The following SPATA17 variants were observed in gnomAD, a reference collection of about 807,000 sequenced individuals.
SPATA17 encodes spermatogenesis-associated protein 17.
A neutral mutation model predicts 62.2 loss-of-function variants in SPATA17; 53 were observed. That is an observed-to-expected ratio of 0.85 (90% CI 0.68 to 1.07). SPATA17 has a LOEUF of 1.07. Ranked by LOEUF, SPATA17 falls within the 50% of genes least tolerant of loss-of-function variation. The pLI is 0.00. For missense variants in SPATA17, 466 were observed against 425.5 expected (o/e 1.10, Z -0.84); for synonymous variants, 146 against 146.8 (o/e 0.99, Z 0.04).
In SPATA17 at chr1:217,830,111, T is replaced by C. The variant is rs140898490; in HGVS notation, c.1005+28261T>C. On this transcript the variant is annotated intron_variant, in intron 9 of 10. Coordinates refer to ENST00000366933, the MANE Select transcript of SPATA17 (RefSeq NM_138796.4). ...CTATAAAACATCCAACTTTTATTACTTCTAAGGCAAATATGTGAAAGCTTA... is the reference window on the plus strand; with the variant it reads ...CTATAAAACATCCAACTTTTATTACCTCTAAGGCAAATATGTGAAAGCTTA... 4.4e-3 allele frequency among the ~76,000 whole-genome samples: 673 copies of C among 152,262 alleles called. 6 individuals are homozygous for C. The highest frequency in any genetic ancestry group is 8.2e-3 in the Non-Finnish European group (561 of 68,002).
At chr1:217,820,234 A>T (rs1459896228) in intron 9 of SPATA17, among the ~76,000 whole-genome samples, 2 of 152,052 alleles carry the variant, frequency 1.3e-5, no homozygotes, top group Admixed American at 1.3e-4. Flanking sequence ...TCTTTAGGCT[A>T]GGAGAGTTAA....
In SPATA17 at chr1:217,790,448, A is replaced by AT. The variant is rs112655957; in HGVS notation, c.872+8136dup. ...AAAAGTAAGTAAATTACTCACTTTTATTTTTTTTTTGAGACAGAGTCTTGC... is the reference window on the plus strand; with the variant it reads ...AAAAGTAAGTAAATTACTCACTTTTATTTTTTTTTTTGAGACAGAGTCTTGC... On this transcript the variant is annotated intron_variant, in intron 8 of 10. Coordinates refer to ENST00000366933, the MANE Select transcript of SPATA17 (RefSeq NM_138796.4). Among the ~76,000 whole-genome samples the AT allele has an allele frequency of 2.9e-3, 436 of 149,564 alleles. 2 individuals are homozygous for AT. The highest frequency in any genetic ancestry group is 0.016 in the East Asian group (84 of 5,098).
At chr1:217,751,614 A>G (rs1220813415) in intron 6 of SPATA17, among the ~76,000 whole-genome samples, 1 of 152,216 alleles carries the variant, frequency 6.6e-6, no homozygotes, top group Non-Finnish European at 1.5e-5. Flanking sequence ...CCTGTAATAT[A>G]TGAAAGGGAT....
At chr1:217,837,966 A>G (rs1247501702) in intron 9 of SPATA17, among the ~76,000 whole-genome samples, 1 of 152,120 alleles carries the variant, frequency 6.6e-6, no homozygotes, top group Non-Finnish European at 1.5e-5. Context: ...AGCACTTGAA[A>G]CATTGAGTTC....
intron 9 of SPATA17, among the ~76,000 whole-genome samples, chr1:217,819,721 G>T (rs1674814010): frequency 1.3e-5 from 2 of 152,036 alleles, no homozygotes; most frequent in South Asian, 2.1e-4. Context: ...AGTAACTTGA[G>T]ATTTCTATTC....
intron 8 of SPATA17, among the ~76,000 whole-genome samples, chr1:217,782,979 T>C (rs1448456512): frequency 6.6e-6 from 1 of 151,712 alleles, no homozygotes; most frequent in Non-Finnish European, 1.5e-5. Flanking sequence ...ATTGTCATTA[T>C]TCTGTAATGT....
chr1:217,669,725 A>T (rs1296969597), intron 4 of SPATA17, among the ~76,000 whole-genome samples: 1 of 152,198 alleles, frequency 6.6e-6, no homozygotes, highest in East Asian at 1.9e-4. Context: ...TATTGTCCTT[A>T]AAATCTATGT....
chr1:217,720,870 A>T (rs1458879180), intron 5 of SPATA17, among the ~76,000 whole-genome samples: 1 of 152,132 alleles, frequency 6.6e-6, no homozygotes, highest in Non-Finnish European at 1.5e-5. Flanking sequence ...AGCGGAGAGG[A>T]TGTGGCTGCA....
chr1:217,665,294 A>G (rs940900595), intron 3 of SPATA17: 2 of 152,230 alleles, frequency 1.3e-5, no homozygotes, highest in Non-Finnish European at 2.9e-5. Flanking sequence ...TGAAATACTC[A>G]AGTGTGTTAG....
intron 8 of SPATA17, among the ~76,000 whole-genome samples, chr1:217,783,165 T>C (rs1673772923): frequency 1.3e-5 from 2 of 150,634 alleles, no homozygotes; most frequent in South Asian, 4.1e-4. Flanking sequence ...TGCTAATTGT[T>C]ACATAATAAT....
intron 5 of SPATA17, among the ~76,000 whole-genome samples, chr1:217,706,764 A>T (rs1191056370): frequency 6.7e-6 from 1 of 149,552 alleles, no homozygotes; most frequent in African/African-American, 2.4e-5. Context: ...ATTGTCTCTG[A>T]TTTCTTTGAG....
intron 10 of SPATA17, 158 bp from the exon 11 acceptor site, chr1:217,866,864 T>C (rs1366679588): frequency 6.6e-6 from 1 of 151,418 alleles, no homozygotes; most frequent in Non-Finnish European, 1.5e-5. Context: ...TTCATTTTAC[T>C]GTTTTGTTTT....
chr1:217,815,708 A>C, intron 9 of SPATA17, among the ~76,000 whole-genome samples: 1 of 152,178 alleles, frequency 6.6e-6, no homozygotes, highest in East Asian at 1.9e-4. Flanking sequence ...TCATTCAATA[A>C]GTTAGTGGTT....
At chr1:217,850,754 A>T in intron 9 of SPATA17, 2 of 664,572 alleles carry the variant, frequency 3.0e-6, no homozygotes, top group East Asian at 6.4e-5. Context: ...ATTCATACAT[A>T]TAGTTTTTAT....
chr1:217,779,633 TC>T (rs1673685902), intron 7 of SPATA17, among the ~76,000 whole-genome samples: 1 of 152,010 alleles, frequency 6.6e-6, no homozygotes, highest in Admixed American at 6.6e-5. Flanking sequence ...TTTCCCTTCT[TC>T]CTTTTTTTTT....
rs750665329 is a variant in SPATA17 at position 217,714,488 on chromosome 1, C to CTTTTTTTTTTTTTTTTTTTTTTT, written c.396-27473_396-27472insTTTTTTTTTTTTTTTTTTTTTTT. Reference sequence around the variant, plus strand: ...TGAGTTGAACGTGGAAAACGTGTTTCTTTTTTTTTTTTTTGAGACAGAGTC... The same window carrying CTTTTTTTTTTTTTTTTTTTTTTT: ...TGAGTTGAACGTGGAAAACGTGTTTCTTTTTTTTTTTTTTTTTTTTTTTTTTTTTTTTTTTTTGAGACAGAGTC... On this transcript the variant is annotated intron_variant, in intron 5 of 10. Coordinates refer to ENST00000366933, the MANE Select transcript of SPATA17 (RefSeq NM_138796.4). Among the ~76,000 whole-genome samples the CTTTTTTTTTTTTTTTTTTTTTTT allele has an allele frequency of 1.6e-4, 20 of 121,422 alleles. 1 individual carries two copies. Among genetic ancestry groups the CTTTTTTTTTTTTTTTTTTTTTTT allele is most frequent in the South Asian group, 2.6e-4 (1 of 3,854 alleles). The allele number at this position is 121,422 out of a possible 152,430, so 79.7% of individuals were successfully genotyped here.
chr1:217,698,579 TAAA>T (rs5780991), intron 5 of SPATA17, among the ~76,000 whole-genome samples: 61 of 145,014 alleles, frequency 4.2e-4, no homozygotes, highest in East Asian at 3.6e-3. Context: ...CATGCAGTTA[TAAA>T]AAAAAAAAAA....
intron 9 of SPATA17, among the ~76,000 whole-genome samples, chr1:217,826,060 AACAATAT>A (rs542620406): frequency 2.7e-4 from 41 of 152,106 alleles, no homozygotes; most frequent in Admixed American, 1.3e-4. Flanking sequence ...AGGCTGCTGT[AACAATAT>A]ACTACAGATG....
At chr1:217,705,903 T>A (rs1201399804) in intron 5 of SPATA17, among the ~76,000 whole-genome samples, 1 of 152,228 alleles carries the variant, frequency 6.6e-6, no homozygotes, top group African/African-American at 2.4e-5. Context: ...GATTTTTATG[T>A]ATGGTGTAAG....
Sources: allele counts gnomAD v4.1 joint callset (sites outside exome capture counted in the v4.1 genomes callset), GRCh38; gene constraint gnomAD v4.1.1; transcripts MANE v1.5; gene names NCBI Gene and HGNC (gene_info 2026-07-23, HGNC 2026-07-21).